The following CRYBA4 variants were observed in gnomAD, a reference collection of about 807,000 sequenced individuals.
The protein encoded by CRYBA4 is beta-crystallin A4.
In CRYBA4, 30 loss-of-function variants were observed where a neutral mutation model predicts 31.7. The observed-to-expected ratio is 0.95, with a 90% CI of 0.71 to 1.28. The LOEUF (loss-of-function observed/expected upper bound fraction) is 1.28. Ranked by LOEUF, CRYBA4 falls within the 50% of genes most tolerant of loss-of-function variation. The pLI is 0.00. For missense variants in CRYBA4, 225 were observed against 260.7 expected, an observed-to-expected ratio of 0.86 and a Z score of 0.94; for synonymous variants, 102 against 102.3, an observed-to-expected ratio of 1.00 and a Z score of 0.02.
chr22:26,623,887 G>A (rs181187031), intron 3 of CRYBA4, among the ~76,000 whole-genome samples: 44 of 152,306 alleles, frequency 2.9e-4, no homozygotes, highest in Admixed American at 4.6e-4. Flanking sequence ...TCATTCAGTG[G>A]ACCTGTCTGC....
chr22:26,591,386 G>T, the CRYBA4 span, among the ~76,000 whole-genome samples: 1 of 148,938 alleles, frequency 6.7e-6, no homozygotes, highest in East Asian at 2.0e-4. Context: ...CAGGAGAATC[G>T]CTTGAACCTG....
chr22:26,627,414 TTCTTTC>T (rs1278543752), intron 4 of CRYBA4, among the ~76,000 whole-genome samples: 1 of 95,344 alleles, frequency 1.0e-5, no homozygotes, highest in Non-Finnish European at 1.9e-5. Flanking sequence ...CTTTCTTTCT[TTCTTTC>T]TTTCTTTTTC....
In CRYBA4 at chr22:26,625,036, G is replaced by A. The variant is rs563977710; in HGVS notation, c.159-445G>A. 4.6e-5 allele frequency among the ~76,000 whole-genome samples: 7 copies of A among 152,336 alleles called. No homozygotes were observed. The South Asian group carries it at 8.3e-4, about 18-fold the overall frequency. On this transcript the variant is annotated intron_variant, in intron 3 of 5. Coordinates refer to ENST00000354760, the MANE Select transcript of CRYBA4 (RefSeq NM_001886.3). The stretch of plus-strand genomic sequence containing the variant: ...GTCTCCCACACCCTGGCAGGATCAC[G>A]GGGAATTCCACCAAGGTGAGATCAG...
the CRYBA4 span, chr22:26,599,717 G>C: frequency 6.6e-7 from 1 of 1,524,622 alleles, no homozygotes; most frequent in South Asian, 1.1e-5. Context: ...AGCCTGTCTC[G>C]TTGCCTGGCA....
At chr22:26,599,745 C>G in the CRYBA4 span, 8 of 1,190,468 alleles carry the variant, frequency 6.7e-6, no homozygotes, top group Non-Finnish European at 8.7e-6. Context: ...CCCTGCCAGA[C>G]CAGCCTGTCC....
chr22:26,612,700 A>G, the CRYBA4 span, among the ~76,000 whole-genome samples: 1 of 152,220 alleles, frequency 6.6e-6, no homozygotes, highest in Non-Finnish European at 1.5e-5. Context: ...TTAGGAACTT[A>G]TGAACCTCCC....
At chr22:26,622,097 C>A in intron 1 of CRYBA4, 111 bp downstream of exon 1, 1 of 412,298 alleles carries the variant, frequency 2.4e-6, no homozygotes, top group Non-Finnish European at 3.3e-6. Context: ...ATCCTGAATG[C>A]CATCCTCATC....
At chr22:26,614,859 T>C in the CRYBA4 span, among the ~76,000 whole-genome samples, 1 of 152,010 alleles carries the variant, frequency 6.6e-6, no homozygotes, top group Non-Finnish European at 1.5e-5. Context: ...TAAATATACA[T>C]GTGTATGTGT....
the CRYBA4 span, chr22:26,608,078 C>T: frequency 1.4e-3 from 2,191 of 1,613,148 alleles, 24 homozygotes; most frequent in African/African-American, 0.026. Flanking sequence ...TAGAAGCCCC[C>T]ACTCCCTACT....
the CRYBA4 span, among the ~76,000 whole-genome samples, chr22:26,591,184 A>G: frequency 4.6e-5 from 7 of 152,220 alleles, no homozygotes; most frequent in Non-Finnish European, 1.0e-4. Context: ...CAGCCTGGCC[A>G]AAATGGTGAA....
At chr22:26,594,843 A>G in the CRYBA4 span, among the ~76,000 whole-genome samples, 30,649 of 152,184 alleles carry the variant, frequency 0.2, 3,318 homozygotes, top group East Asian at 0.4. Flanking sequence ...GTTTCCGTCA[A>G]TATTAAACTT....
chr22:26,606,156 G>C, the CRYBA4 span, among the ~76,000 whole-genome samples: 1 of 152,194 alleles, frequency 6.6e-6, no homozygotes, highest in Non-Finnish European at 1.5e-5. Flanking sequence ...CTCAGCCCTG[G>C]CTGCACAGAC....
the CRYBA4 span, chr22:26,596,703 A>T: frequency 1.3e-5 from 2 of 152,212 alleles, no homozygotes; most frequent in African/African-American, 4.8e-5. Context: ...GATGGACTCC[A>T]CTGCAGTAGA....
the CRYBA4 span, among the ~76,000 whole-genome samples, chr22:26,612,792 T>C: frequency 1.3e-5 from 2 of 151,570 alleles, no homozygotes; most frequent in Non-Finnish European, 2.9e-5. Flanking sequence ...TCCCACTGCC[T>C]AACTGAAGTT....
At chr22:26,592,467 T>C in the CRYBA4 span, among the ~76,000 whole-genome samples, 2 of 152,330 alleles carry the variant, frequency 1.3e-5, no homozygotes, top group African/African-American at 4.8e-5. Context: ...TGTGTATACA[T>C]GCCAGAGGCA....
chr22:26,605,171 A>G, the CRYBA4 span, among the ~76,000 whole-genome samples: 1 of 152,100 alleles, frequency 6.6e-6, no homozygotes, highest in African/African-American at 2.4e-5. Flanking sequence ...CTCTAACAAT[A>G]TCTGAGCCCC....
At chr22:26,627,469 T>TTTCC in intron 4 of CRYBA4, among the ~76,000 whole-genome samples, 5 of 100,942 alleles carry the variant, frequency 5.0e-5, no homozygotes, top group African/African-American at 2.3e-4. Context: ...TCTTTCTTTC[T>TTTCC]TTCTTTCTCT....
intron 3 of CRYBA4, 52 bp from the exon 4 acceptor site, chr22:26,625,429 T>C: frequency 1.2e-6 from 2 of 1,603,472 alleles, no homozygotes; most frequent in Non-Finnish European, 1.7e-6. Context: ...TGGTCTAGAA[T>C]GCAGGGTGAG....
At chr22:26,619,480 C>A (rs565388076), upstream of CRYBA4, among the ~76,000 whole-genome samples, 2 of 152,192 alleles carry the variant, frequency 1.3e-5, no homozygotes, top group Non-Finnish European at 2.9e-5. Flanking sequence ...AGCTAGGTCA[C>A]CTGCAGTCGG....
Sources: allele counts gnomAD v4.1 joint callset (sites outside exome capture counted in the v4.1 genomes callset), GRCh38; gene constraint gnomAD v4.1.1; transcripts MANE v1.5; gene names NCBI Gene and HGNC (gene_info 2026-07-23, HGNC 2026-07-21).